Variants in NEGR1 observed in about 807,000 individuals in gnomAD.
NEGR1 encodes neuronal growth regulator 1, also known as IgLON family member 4.
A neutral mutation model predicts 40.9 loss-of-function variants in NEGR1; 10 were observed. The observed-to-expected ratio is 0.24, with a 90% confidence interval of 0.15 to 0.42. The LOEUF (loss-of-function observed/expected upper bound fraction) is 0.42, where lower values mean the gene tolerates loss of function less well. Among genes scored for constraint, NEGR1 ranks in the 10% least tolerant of loss-of-function variants. The pLI, the probability that NEGR1 is intolerant of heterozygous loss-of-function variation, is 1.00. For missense variants in NEGR1, 352 were observed against 438.9 expected, an observed-to-expected ratio of 0.80 and a Z score of 1.77; for synonymous variants, 185 against 166.8, an observed-to-expected ratio of 1.11 and a Z score of -0.84.
intron 2 of NEGR1, among the ~76,000 whole-genome samples, chr1:71,874,087 A>C (rs1660357798): frequency 6.6e-6 from 1 of 152,140 alleles, no homozygotes; most frequent in African/African-American, 2.4e-5. Flanking sequence ...CAAGTATCCT[A>C]ATAGGTTTGG....
intron 2 of NEGR1, among the ~76,000 whole-genome samples, chr1:71,877,512 T>C (rs1044577162): frequency 6.6e-6 from 1 of 152,088 alleles, no homozygotes; most frequent in Non-Finnish European, 1.5e-5. Flanking sequence ...CCTCCTCTAA[T>C]AAGAACACCA....
chr1:71,805,378 A>G (rs1254250566), intron 2 of NEGR1, among the ~76,000 whole-genome samples: 2 of 152,086 alleles, frequency 1.3e-5, no homozygotes, highest in Non-Finnish European at 1.5e-5. Context: ...TTTACGGCTC[A>G]GGGGGCATCA....
At chr1:71,806,138 T>A (rs771228724) in intron 2 of NEGR1, among the ~76,000 whole-genome samples, 12 of 152,164 alleles carry the variant, frequency 7.9e-5, no homozygotes, top group Non-Finnish European at 1.5e-4. Flanking sequence ...CTTTGCTTTT[T>A]CCATTGGACA....
intron 1 of NEGR1, among the ~76,000 whole-genome samples, chr1:72,016,365 C>G (rs1481174843): frequency 2.0e-5 from 3 of 152,126 alleles, no homozygotes; most frequent in East Asian, 1.9e-4. Flanking sequence ...GTGACGTTAA[C>G]TCTTTTAAGG....
At chr1:72,265,237 T>G (rs1256117373) in intron 1 of NEGR1, among the ~76,000 whole-genome samples, 2 of 150,968 alleles carry the variant, frequency 1.3e-5, no homozygotes, top group African/African-American at 4.8e-5. Context: ...TATCTGATGA[T>G]GCCAAATGAA....
rs536838960 is a variant in NEGR1, at chr1:71,435,086, A to G, written c.941-27516T>C. ...AGCCTGGGCGACAGAGCCAGACTCC[A>G]TCTCAAACAAACAAACAAACAAACA... On this transcript the variant is annotated intron_variant, in intron 6 of 6. Transcript: ENST00000357731. Among the ~76,000 whole-genome samples the G allele has an allele frequency of 6.6e-5, 10 of 152,004 alleles. No individual in the cohort carries two copies. In the East Asian group the frequency reaches 1.8e-3, roughly 27 times the overall value.
rs569869892 is a variant in NEGR1 at position 71,419,124 on chromosome 1, G to C, written c.941-11554C>G. Among the ~76,000 whole-genome samples, 8 of 152,164 alleles carry C rather than the reference G, an allele frequency of 5.3e-5. No homozygotes were observed. The South Asian group carries it at 1.7e-3, about 32-fold the overall frequency. On this transcript the variant is annotated intron_variant, in intron 6 of 6. Transcript: ENST00000357731. ...AGTACCAGTTCAATAGTGTATTATT[G>C]GACTGGCTTTCCCTTCTTCCCTATT...
intron 1 of NEGR1, among the ~76,000 whole-genome samples, chr1:72,052,493 A>G (rs1053936980): frequency 1.3e-5 from 2 of 151,450 alleles, no homozygotes; most frequent in Non-Finnish European, 3.0e-5. Flanking sequence ...CCCTAATTCC[A>G]CTTCGTATTA....
At chr1:71,652,729 G>A (rs1427761261) in intron 4 of NEGR1, among the ~76,000 whole-genome samples, 2 of 152,040 alleles carry the variant, frequency 1.3e-5, no homozygotes, top group South Asian at 2.1e-4. Flanking sequence ...ACCAGGTGTG[G>A]TGGTGTGCGC....
intron 2 of NEGR1, among the ~76,000 whole-genome samples, chr1:71,918,164 C>A (rs1228202682): frequency 7.9e-6 from 1 of 126,312 alleles, no homozygotes; most frequent in African/African-American, 3.1e-5. Context: ...TTGCAGTGAG[C>A]CGAGATTGCG....
At position 72,110,647 on chromosome 1, in the gene NEGR1, C is replaced by T. The variant is rs150166944; in HGVS notation, c.176+171672G>A. Among the ~76,000 whole-genome samples, 611 of 151,704 alleles carry T rather than the reference C, an allele frequency of 4.0e-3. 9 individuals are homozygous for T. Among genetic ancestry groups the T allele is most frequent in the Non-Finnish European group, 5.1e-3 (347 of 67,746 alleles). ...CTATGTAATTAACCCTTAATTACTT[C>T]AAAGTAAGTAATTCCATTAATTTTG... is the stretch of plus-strand genomic sequence containing the variant. On this transcript the variant is annotated intron_variant, in intron 1 of 6. Transcript: ENST00000357731.
intron 6 of NEGR1, among the ~76,000 whole-genome samples, chr1:71,481,013 C>T (rs1206227924): frequency 6.6e-6 from 1 of 151,806 alleles, no homozygotes; most frequent in African/African-American, 2.4e-5. Context: ...TATATAATAG[C>T]TAATGCTTAT....
intron 2 of NEGR1, among the ~76,000 whole-genome samples, chr1:71,834,649 C>T (rs1033601239): frequency 1.3e-5 from 2 of 151,980 alleles, no homozygotes; most frequent in African/African-American, 4.8e-5. Context: ...AATTCTCAGC[C>T]TCCATAATTG....
chr1:71,653,978 CATT>C (rs1034062645), intron 4 of NEGR1, among the ~76,000 whole-genome samples: 2 of 152,026 alleles, frequency 1.3e-5, no homozygotes, highest in African/African-American at 4.8e-5. Context: ...AGGAAACAAT[CATT>C]ATATAAATAT....
Position 71,928,406 on chromosome 1 carries a change from GTA to G in NEGR1, c.409+6671_409+6672del, listed in dbSNP as rs1267655295. On this transcript the variant is annotated intron_variant, in intron 2 of 6. Coordinates refer to ENST00000357731, the MANE Select transcript of NEGR1 (RefSeq NM_173808.3). ...TATATACACACATATGTATATATGT[GTA>G]TGTATATATACACACATATGTATAT... Among the ~76,000 whole-genome samples the G allele has an allele frequency of 2.9e-4, 17 of 58,508 alleles. 3 individuals carry two copies. Among genetic ancestry groups the G allele is most frequent in the African/African-American group, 6.4e-4 (11 of 17,198 alleles). The allele number at this position is 58,508 out of a possible 152,430, so 38.4% of individuals were successfully genotyped here.
chr1:71,735,761 A>C (rs892153940), intron 3 of NEGR1, among the ~76,000 whole-genome samples: 3 of 152,106 alleles, frequency 2.0e-5, no homozygotes, highest in African/African-American at 4.8e-5. Flanking sequence ...GGTATTTCAG[A>C]TATTCCATTC....
intron 2 of NEGR1, among the ~76,000 whole-genome samples, chr1:71,920,319 A>C (rs965137168): frequency 1.3e-5 from 2 of 152,152 alleles, no homozygotes; most frequent in Non-Finnish European, 2.9e-5. Context: ...CTTATTCAGC[A>C]CTTGCTGAGA....
intron 4 of NEGR1, among the ~76,000 whole-genome samples, chr1:71,688,236 A>G (rs1030769185): frequency 9.5e-5 from 14 of 147,442 alleles, no homozygotes; most frequent in African/African-American, 3.5e-4. Flanking sequence ...GTGCCCAGCT[A>G]CAGAGCCTGA....
At chr1:71,700,027 G>A (rs1653630078) in intron 3 of NEGR1, among the ~76,000 whole-genome samples, 1 of 151,830 alleles carries the variant, frequency 6.6e-6, no homozygotes, top group South Asian at 2.1e-4. Context: ...GTCTTTATCA[G>A]CAGTGCGAAA....
Sources: allele counts gnomAD v4.1 joint callset (sites outside exome capture counted in the v4.1 genomes callset), GRCh38; gene constraint gnomAD v4.1.1; transcripts MANE v1.5; gene names NCBI Gene and HGNC (gene_info 2026-07-23, HGNC 2026-07-21).